The following HNF4G variants were observed in gnomAD, a reference collection of about 807,000 sequenced individuals.
HNF4G encodes hepatocyte nuclear factor 4-gamma.
Under a neutral mutation model 50.9 loss-of-function variants are expected in HNF4G, and 21 were observed. That is an observed-to-expected ratio of 0.41 (90% confidence interval 0.29 to 0.59). HNF4G has a LOEUF of 0.59. Ranked by LOEUF, HNF4G falls within the 20% of genes least tolerant of loss-of-function variation. The probability of loss-of-function intolerance (pLI) is 0.26; values close to 1 mark genes in which losing one functional copy is unlikely to be tolerated. For missense variants in HNF4G, 527 were observed against 559.4 expected, an observed-to-expected ratio of 0.94 and a Z score of 0.58; for synonymous variants, 198 against 185.6, an observed-to-expected ratio of 1.07 and a Z score of -0.54.
chr8:75,421,538 A>T (rs558056888), intron 1 of HNF4G, among the ~76,000 whole-genome samples: 9 of 152,354 alleles, frequency 5.9e-5, no homozygotes, highest in African/African-American at 2.2e-4. Flanking sequence ...GAAGATAAAT[A>T]GGGTTGACAG....
At chr8:75,545,239 A>ATGTG (rs57486410) in intron 2 of HNF4G, among the ~76,000 whole-genome samples, 13,352 of 145,478 alleles carry the variant, frequency 0.092, 1,121 homozygotes, top group African/African-American at 0.22. Flanking sequence ...TTAAAATTGA[A>ATGTG]TGTGTGTGTG....
upstream of HNF4G, among the ~76,000 whole-genome samples, chr8:75,535,645 A>G (rs546150322): frequency 1.7e-4 from 26 of 152,036 alleles, no homozygotes; most frequent in East Asian, 3.7e-3. Flanking sequence ...ATAAGTTTAA[A>G]AAACAAATTT....
intron 8 of HNF4G, 24 bp downstream of exon 8, chr8:75,559,061 C>T (rs776459110): frequency 2.3e-6 from 3 of 1,324,402 alleles, no homozygotes; most frequent in Non-Finnish European, 2.2e-6. Flanking sequence ...ATAATTTCTA[C>T]TTTATTGATT....
chr8:75,553,212 C>G lies in HNF4G; in HGVS notation c.645+15C>G, dbSNP rs1177255966. 1.3e-6 allele frequency: 2 copies of G among 1,595,084 alleles called. No individual in the cohort carries two copies. Among genetic ancestry groups the G allele is most frequent in the Admixed American group, 1.7e-5 (1 of 57,684 alleles). On this transcript the variant is annotated intron_variant, in intron 5 of 9. Coordinates refer to ENST00000396423, the MANE Select transcript of HNF4G (RefSeq NM_004133.5). The stretch of plus-strand genomic sequence containing the variant: ...TGGATGATCAGGTACACATTTAAAA[C>G]TTTATAAATGCTTTAAAAATGCTTC...
At chr8:75,469,574 G>A (rs184565347) in intron 1 of HNF4G, among the ~76,000 whole-genome samples, 57 of 152,240 alleles carry the variant, frequency 3.7e-4, no homozygotes, top group Middle Eastern at 3.4e-3. Context: ...AGTGGCAGAA[G>A]ACAGAGAAGA....
At chr8:75,538,041 C>T (rs1209634810), upstream of HNF4G, among the ~76,000 whole-genome samples, 2 of 152,166 alleles carry the variant, frequency 1.3e-5, no homozygotes, top group African/African-American at 4.8e-5. Context: ...TGACTGAATT[C>T]CGTGGGTGTT....
intron 9 of HNF4G, among the ~76,000 whole-genome samples, chr8:75,563,560 T>A (rs1365974499): frequency 6.6e-6 from 1 of 152,114 alleles, no homozygotes; most frequent in Admixed American, 6.6e-5. Flanking sequence ...CCAAACCAAA[T>A]ATATTTTTAT....
At chr8:75,501,035 A>G (rs572635912) in intron 2 of HNF4G, among the ~76,000 whole-genome samples, 2 of 152,096 alleles carry the variant, frequency 1.3e-5, no homozygotes, top group African/African-American at 4.8e-5. Context: ...ATAGTTTATC[A>G]TATATAATTA....
At chr8:75,473,052 G>T (rs1812154574) in intron 1 of HNF4G, among the ~76,000 whole-genome samples, 1 of 152,130 alleles carries the variant, frequency 6.6e-6, no homozygotes, top group Non-Finnish European at 1.5e-5. Context: ...GCTCAAGCCT[G>T]TAATCCCAGC....
chr8:75,481,391 C>T lies in HNF4G; in HGVS notation c.-143-8698C>T, dbSNP rs531251383. Among the ~76,000 whole-genome samples, 11 of 152,172 alleles carry T rather than the reference C, an allele frequency of 7.2e-5. No homozygotes were observed. The East Asian group carries it at 1.9e-3, about 27-fold the overall frequency. On this transcript the variant is annotated intron_variant, in intron 1 of 10. Transcript: ENST00000354370. ...CTGCTCTTCTTACTAGTAGAAATTC[C>T]ATTTATTTTTCAAGGTTCAACTCTG... is the stretch of plus-strand genomic sequence containing the variant.
At chr8:75,530,303 G>A (rs1253932288) in intron 2 of HNF4G, among the ~76,000 whole-genome samples, 1 of 152,082 alleles carries the variant, frequency 6.6e-6, no homozygotes, top group Non-Finnish European at 1.5e-5. Flanking sequence ...CAACAAAACT[G>A]GCAATTTTTT....
chr8:75,433,926 G>C (rs1307040289), intron 1 of HNF4G, among the ~76,000 whole-genome samples: 3 of 151,432 alleles, frequency 2.0e-5, no homozygotes, highest in African/African-American at 7.3e-5. Flanking sequence ...AGTTAAGATA[G>C]GATTCAATAT....
rs533675343 is a variant in HNF4G at position 75,551,324 on chromosome 8, A to G, written c.383-64A>G. The G allele has an allele frequency of 3.3e-6, 3 of 915,480 alleles. No homozygotes were observed. The East Asian group carries it at 7.5e-5, about 23-fold the overall frequency. The allele number at this position is 915,480 out of a possible 1,614,324, so 56.7% of individuals were successfully genotyped here. On this transcript the variant is annotated intron_variant, in intron 3 of 9. Transcript: ENST00000396423. ...TTTTACTTAAAAAAAAAACTCCTTA[A>G]AATCTATATTCTAACATACACTAAA...
intron 1 of HNF4G, among the ~76,000 whole-genome samples, chr8:75,433,562 G>C (rs1585838636): frequency 6.6e-6 from 1 of 152,100 alleles, no homozygotes; most frequent in South Asian, 2.1e-4. Flanking sequence ...ATTATCAGTA[G>C]TAGTAGTAGT....
chr8:75,549,695 G>C (rs1806890206), intron 3 of HNF4G, among the ~76,000 whole-genome samples: 2 of 151,492 alleles, frequency 1.3e-5, no homozygotes, highest in African/African-American at 4.9e-5. Context: ...TGCCATGCTG[G>C]TGTGCTGCAC....
chr8:75,490,678 C>A (rs148118455), intron 2 of HNF4G, among the ~76,000 whole-genome samples: 248 of 152,154 alleles, frequency 1.6e-3, no homozygotes, highest in African/African-American at 5.3e-3. Flanking sequence ...CAAGTGTTTT[C>A]TCTCTTTTCT....
In HNF4G at chr8:75,564,848, A is replaced by C. The variant is rs1807416118; in HGVS notation, c.*752A>C. The stretch of plus-strand genomic sequence containing the variant: ...AGAGGAATCTATTTCTTTCTCCTGA[A>C]ACAATTTAGAAAATAGTTATCCATT... On this transcript the variant is annotated 3_prime_UTR_variant, in exon 10 of 10. Coordinates refer to ENST00000396423, the MANE Select transcript of HNF4G (RefSeq NM_004133.5). 1 of 152,154 alleles carries C rather than the reference A, an allele frequency of 6.6e-6. No homozygotes were observed. Among genetic ancestry groups the C allele is most frequent in the African/African-American group, 2.4e-5 (1 of 41,446 alleles). The allele number at this position is 152,154 out of a possible 1,614,324, so 9.4% of individuals were successfully genotyped here. A position where few individuals can be genotyped will look rare whatever the true frequency, so the allele number is the denominator to read the frequency against.
At chr8:75,420,005 C>G (rs1429632134) in intron 1 of HNF4G, among the ~76,000 whole-genome samples, 1 of 152,102 alleles carries the variant, frequency 6.6e-6, no homozygotes, top group Non-Finnish European at 1.5e-5. Context: ...AGTTGCTTAA[C>G]CAACTGAAAT....
At chr8:75,496,596 A>G (rs1207604579) in intron 2 of HNF4G, among the ~76,000 whole-genome samples, 1 of 152,062 alleles carries the variant, frequency 6.6e-6, no homozygotes, top group Non-Finnish European at 1.5e-5. Flanking sequence ...TTAATCTTGC[A>G]TCTCTTCTTA....
Sources: gnomAD v4.1 joint callset for allele counts (sites outside exome capture counted in the v4.1 genomes callset) on GRCh38, gnomAD v4.1.1 for gene constraint, MANE v1.5 for transcripts, NCBI Gene and HGNC (gene_info 2026-07-23, HGNC 2026-07-21) for gene names.